FTCDNL1: variants seen among roughly 807,000 people sequenced by gnomAD.
FTCDNL1 encodes formiminotransferase N-terminal subdomain-containing protein.
Under a neutral mutation model 5.9 loss-of-function variants are expected in FTCDNL1, and 11 were observed. That is an observed-to-expected ratio of 1.87 (90% CI 1.18 to 3.10). The LOEUF is 3.10. Ranked by LOEUF, FTCDNL1 falls within the 30% of genes most tolerant of loss-of-function variation. The pLI is 0.00. For synonymous variants in FTCDNL1, 58 were observed against 24.8 expected (o/e 2.34, Z -3.99); for missense variants, 115 against 65.5 (o/e 1.76, Z -2.61).
chr2:199,833,093 C>G (rs930771912), intron 3 of FTCDNL1, among the ~76,000 whole-genome samples: 1 of 151,950 alleles, frequency 6.6e-6, no homozygotes. Flanking sequence ...CTCAGCCTCC[C>G]AAGTAGCTGA....
intron 3 of FTCDNL1, chr2:199,844,528 ACTGC>A (rs1559249658): frequency 5.1e-6 from 3 of 586,272 alleles, no homozygotes; most frequent in Non-Finnish European, 9.4e-6. Flanking sequence ...CCAGAACAGA[ACTGC>A]CTAAAAATGC....
At chr2:199,723,329 A>G in the FTCDNL1 span, among the ~76,000 whole-genome samples, 1 of 152,182 alleles carries the variant, frequency 6.6e-6, no homozygotes, top group Non-Finnish European at 1.5e-5. Flanking sequence ...TCATCTGCAA[A>G]CAGAGACAAT....
chr2:199,721,027 G>A, the FTCDNL1 span, among the ~76,000 whole-genome samples: 1 of 152,160 alleles, frequency 6.6e-6, no homozygotes, highest in Non-Finnish European at 1.5e-5. Context: ...AAATTTCAGA[G>A]TGGGGCAAGA....
chr2:199,675,541 A>G, the FTCDNL1 span, among the ~76,000 whole-genome samples: 124,719 of 152,126 alleles, frequency 0.82, 51,345 homozygotes, highest in East Asian at 0.99. Context: ...GCTTTAACAA[A>G]ATAGAAATTG....
At chr2:199,682,943 G>T in the FTCDNL1 span, among the ~76,000 whole-genome samples, 302 of 152,276 alleles carry the variant, frequency 2.0e-3, no homozygotes, top group Middle Eastern at 0.055. Flanking sequence ...TAGAGAAGAT[G>T]ATCTGTCCCC....
At chr2:199,849,422 A>G (rs2076817339) in intron 1 of FTCDNL1, among the ~76,000 whole-genome samples, 3 of 152,348 alleles carry the variant, frequency 2.0e-5, no homozygotes, top group East Asian at 1.9e-4. Flanking sequence ...TATAAAAGAA[A>G]TTCTTGCAGC....
chr2:199,842,123 C>T (rs1350169558), intron 3 of FTCDNL1, among the ~76,000 whole-genome samples: 2 of 151,616 alleles, frequency 1.3e-5, no homozygotes, highest in Non-Finnish European at 2.9e-5. Flanking sequence ...AAACAATTAG[C>T]TGGGTATGGC....
intron 3 of FTCDNL1, among the ~76,000 whole-genome samples, chr2:199,834,271 C>T (rs1702563560): frequency 6.6e-6 from 1 of 152,200 alleles, no homozygotes; most frequent in Non-Finnish European, 1.5e-5. Flanking sequence ...ACCAACCCTG[C>T]TGCCACCCTG....
intron 3 of FTCDNL1, among the ~76,000 whole-genome samples, chr2:199,827,832 C>T (rs553461822): frequency 4.6e-5 from 7 of 152,062 alleles, no homozygotes; most frequent in Non-Finnish European, 7.4e-5. Flanking sequence ...TTCTGAATAC[C>T]CTCCTAGGCT....
At chr2:199,735,983 C>A in the FTCDNL1 span, among the ~76,000 whole-genome samples, 5 of 152,186 alleles carry the variant, frequency 3.3e-5, no homozygotes, top group Non-Finnish European at 5.9e-5. Context: ...GCTATGAATT[C>A]TTTGAAAATG....
At chr2:199,710,829 T>C in the FTCDNL1 span, among the ~76,000 whole-genome samples, 1 of 152,210 alleles carries the variant, frequency 6.6e-6, no homozygotes, top group Non-Finnish European at 1.5e-5. Context: ...AGTCTCTTCC[T>C]GAGAAAGTCT....
At chr2:199,769,036 A>G (rs1022652732) in intron 3 of FTCDNL1, among the ~76,000 whole-genome samples, 1 of 152,126 alleles carries the variant, frequency 6.6e-6, no homozygotes, top group Non-Finnish European at 1.5e-5. Flanking sequence ...GGGGCGGAAC[A>G]TGTGTGATTT....
At chr2:199,817,983 C>T (rs983502363) in intron 4 of FTCDNL1, among the ~76,000 whole-genome samples, 10 of 152,170 alleles carry the variant, frequency 6.6e-5, no homozygotes, top group Admixed American at 4.6e-4. Flanking sequence ...CTTTAACTCA[C>T]ATATGATTTT....
At chr2:199,706,303 C>A in the FTCDNL1 span, among the ~76,000 whole-genome samples, 3 of 152,104 alleles carry the variant, frequency 2.0e-5, no homozygotes, top group Non-Finnish European at 4.4e-5. Context: ...ATGGAAACCA[C>A]AACATCCCAG....
downstream of FTCDNL1, among the ~76,000 whole-genome samples, chr2:199,758,260 G>T (rs1025181984): frequency 6.6e-6 from 1 of 151,910 alleles, no homozygotes; most frequent in Non-Finnish European, 1.5e-5. Flanking sequence ...ACAGGCAAGG[G>T]TTTAATATAT....
At chr2:199,749,872 G>C in the FTCDNL1 span, among the ~76,000 whole-genome samples, 4 of 152,060 alleles carry the variant, frequency 2.6e-5, no homozygotes, top group African/African-American at 9.6e-5. Flanking sequence ...TTCCAGTGTA[G>C]ATCCATAATT....
At chr2:199,772,047 G>A (rs189372108) in intron 3 of FTCDNL1, among the ~76,000 whole-genome samples, 1 of 152,250 alleles carries the variant, frequency 6.6e-6, no homozygotes, top group Admixed American at 6.5e-5. Flanking sequence ...TTACACTTTG[G>A]GGCCATTATT....
intron 2 of FTCDNL1, among the ~76,000 whole-genome samples, chr2:199,847,396 A>G (rs1021394581): frequency 2.6e-5 from 4 of 152,188 alleles, no homozygotes; most frequent in Admixed American, 6.5e-5. Flanking sequence ...GTTTTTCAAC[A>G]TACTCTAACT....
chr2:199,756,488 T>C (rs956087512), downstream of FTCDNL1, among the ~76,000 whole-genome samples: 4 of 152,126 alleles, frequency 2.6e-5, no homozygotes, highest in Admixed American at 6.5e-5. Flanking sequence ...GTGACTTAAT[T>C]AGAAGAGCTC....
Sources: allele counts gnomAD v4.1 joint callset (sites outside exome capture counted in the v4.1 genomes callset), GRCh38; gene constraint gnomAD v4.1.1; transcripts MANE v1.5; gene names NCBI Gene and HGNC (gene_info 2026-07-23, HGNC 2026-07-21).